The following PTPRC variants were observed in gnomAD, a reference collection of about 807,000 sequenced individuals.
PTPRC encodes protein tyrosine phosphatase receptor type C, also known as receptor-type tyrosine-protein phosphatase C.
A neutral mutation model predicts 155.9 loss-of-function variants in PTPRC; 44 were observed. The ratio of observed to expected loss-of-function variants is 0.28; its 90% CI spans 0.22 to 0.36. The LOEUF (loss-of-function observed/expected upper bound fraction) is 0.36. Among genes scored for constraint, PTPRC ranks in the 10% least tolerant of loss-of-function variants. The pLI, the probability that PTPRC is intolerant of heterozygous loss-of-function variation, is 1.00. For missense variants in PTPRC, 1,401 were observed against 1,564.6 expected (o/e 0.90, Z 1.76); for synonymous variants, 525 against 533.1 (o/e 0.98, Z 0.21).
intron 11 of PTPRC, among the ~76,000 whole-genome samples, chr1:198,711,592 G>A (rs926217115): frequency 2.6e-5 from 4 of 152,070 alleles, no homozygotes; most frequent in African/African-American, 9.7e-5. Context: ...GGGCACAAAA[G>A]CAAGAAACAT....
chr1:198,713,047 T>A lies in PTPRC; in HGVS notation c.1266T>A (p.Phe422Leu). Residue 422 changes from phenylalanine (F) to leucine (L), a missense_variant, in exon 12 of 33, where the codon TTT (phenylalanine) becomes TTA (leucine). This residue lies in a region of PTPRC where 867 missense variants were observed against 970.4 expected (regional missense o/e 0.89). Transcript: ENST00000442510. Reference protein sequence around the residue: ...WNPPQRSFHNFTLCYIKETEK... With the variant: ...WNPPQRSFHNLTLCYIKETEK... ...CCCCTCAAAGATCATTTCATAATTT[T>A]ACCCTCTGTTATATAAAAGAGACAG... The A allele has an allele frequency of 6.2e-7, 1 of 1,613,762 alleles. No individual in the cohort carries two copies. Among genetic ancestry groups the A allele is most frequent in the Non-Finnish European group, 8.5e-7 (1 of 1,179,690 alleles).
chr1:198,718,320 A>G lies in PTPRC; in HGVS notation c.1659+18A>G. 6.4e-7 allele frequency: 1 copy of G among 1,564,526 alleles called. No homozygotes were observed. The highest frequency in any genetic ancestry group is 8.8e-7 in the Non-Finnish European group (1 of 1,137,274). On this transcript the variant is annotated intron_variant, in intron 14 of 32. Transcript: ENST00000442510. ...CTTTTAAGGTAAAAGTATGCTCTCT[A>G]CATTACTATAGTACCAACTACATTA...
At chr1:198,661,575 A>G (rs1347608213) in intron 2 of PTPRC, among the ~76,000 whole-genome samples, 1 of 151,988 alleles carries the variant, frequency 6.6e-6, no homozygotes, top group African/African-American at 2.4e-5. Context: ...AGAGAAGAAG[A>G]AAAATAACTT....
rs2102566970 is a variant in PTPRC at position 198,757,430 on chromosome 1, A to C, written c.*1249A>C. 6.6e-6 allele frequency: 1 copy of C among 151,988 alleles called. No individual in the cohort carries two copies. The highest frequency in any genetic ancestry group is 2.4e-5 in the African/African-American group (1 of 41,558). 9.4% of individuals were successfully genotyped at this position (151,988 alleles called of 1,614,324 possible). A position where few individuals can be genotyped will look rare whatever the true frequency, so the allele number is the denominator to read the frequency against. On this transcript the variant is annotated 3_prime_UTR_variant, in exon 33 of 33. Coordinates refer to ENST00000442510, the MANE Select transcript of PTPRC (RefSeq NM_002838.5). Reference sequence around the variant, plus strand: ...TTTAAGATCTAGAAAAAAAAAATCAAGAATAGTGGTATTTTTCATGAAGTA... The same window carrying C: ...TTTAAGATCTAGAAAAAAAAAATCACGAATAGTGGTATTTTTCATGAAGTA...
At chr1:198,641,682 T>C (rs1362320602) in intron 2 of PTPRC, among the ~76,000 whole-genome samples, 1 of 152,042 alleles carries the variant, frequency 6.6e-6, no homozygotes, top group African/African-American at 2.4e-5. Flanking sequence ...ATGATGGTTT[T>C]AAGAAGGCAG....
At chr1:198,655,410 C>A (rs897706398) in intron 2 of PTPRC, among the ~76,000 whole-genome samples, 1 of 151,986 alleles carries the variant, frequency 6.6e-6, no homozygotes, top group Non-Finnish European at 1.5e-5. Flanking sequence ...TATTTAGTGA[C>A]TTGTCCTTTG....
intron 2 of PTPRC, among the ~76,000 whole-genome samples, chr1:198,686,226 T>C (rs935392058): frequency 6.6e-6 from 1 of 152,182 alleles, no homozygotes; most frequent in African/African-American, 2.4e-5. Flanking sequence ...CATTTTCATC[T>C]GTTTAATGTA....
intron 3 of PTPRC, chr1:198,693,240 A>T (rs1363871398): frequency 1.3e-6 from 1 of 765,470 alleles, no homozygotes; most frequent in East Asian, 1.3e-4. Context: ...AATAGTAACA[A>T]AAACACTTCT....
intron 15 of PTPRC, among the ~76,000 whole-genome samples, chr1:198,728,039 AAAAG>A (rs1338990690): frequency 6.6e-6 from 1 of 152,302 alleles, no homozygotes; most frequent in Middle Eastern, 3.4e-3. Flanking sequence ...GTCTGATAAA[AAAAG>A]AGAATTAAAT....
chr1:198,756,426 C>A lies in PTPRC; in HGVS notation c.*245C>A. ...CAGTAAAAAACAACTTCTTTGTAAT[C>A]GTTATGTGTGTATATGTATGTGTGT... On this transcript the variant is annotated 3_prime_UTR_variant, in exon 33 of 33. Coordinates refer to ENST00000442510, the MANE Select transcript of PTPRC (RefSeq NM_002838.5). 1.9e-6 allele frequency: 1 copy of A among 522,830 alleles called. No individual in the cohort carries two copies. The highest frequency in any genetic ancestry group is 3.4e-6 in the Non-Finnish European group (1 of 293,510). 32.4% of individuals were successfully genotyped at this position (522,830 alleles called of 1,614,324 possible). A position where few individuals can be genotyped will look rare whatever the true frequency, so the allele number is the denominator to read the frequency against.
chr1:198,657,740 C>T (rs910711746), intron 2 of PTPRC: 31 of 152,288 alleles, frequency 2.0e-4, no homozygotes, highest in African/African-American at 7.0e-4. Context: ...TGTATCTCTA[C>T]TGCAGGTCTT....
chr1:198,678,832 A>C (rs1458822999), intron 2 of PTPRC, among the ~76,000 whole-genome samples: 1 of 146,192 alleles, frequency 6.8e-6, no homozygotes, highest in Non-Finnish European at 1.5e-5. Flanking sequence ...TTTCCCCCCC[A>C]GTTTTTTCTT....
chr1:198,695,191 T>G, intron 3 of PTPRC: 1 of 877,990 alleles, frequency 1.1e-6, no homozygotes, highest in Non-Finnish European at 1.4e-6. Flanking sequence ...TTCCATTTTC[T>G]TCTCTAGTAA....
intron 2 of PTPRC, among the ~76,000 whole-genome samples, chr1:198,691,152 G>A (rs374284847): frequency 6.6e-6 from 1 of 152,032 alleles, no homozygotes. Flanking sequence ...TATGTAGTTC[G>A]GTGATCTCCT....
chr1:198,730,436 T>C (rs2102479347), intron 17 of PTPRC, among the ~76,000 whole-genome samples: 1 of 152,294 alleles, frequency 6.6e-6, no homozygotes, highest in Admixed American at 6.5e-5. Context: ...GCTTTTTTCT[T>C]ATTCACTGCT....
rs1655292066 is a variant in PTPRC at position 198,749,644 on chromosome 1, A to G, written c.3072+95A>G. On this transcript the variant is annotated intron_variant, in intron 28 of 32. Transcript: ENST00000442510. ...TCATTAAGCGATTTTATAAAAGAAT[A>G]ATGAGCTTGGTCATAACTACATATA... 2.4e-6 allele frequency: 3 copies of G among 1,255,404 alleles called. No homozygotes were observed. In the African/African-American group the frequency reaches 4.5e-5, roughly 19 times the overall value. The allele number at this position is 1,255,404 out of a possible 1,614,324, so 77.8% of individuals were successfully genotyped here.
At chr1:198,708,632 T>G (rs1653125518) in intron 10 of PTPRC, among the ~76,000 whole-genome samples, 1 of 151,974 alleles carries the variant, frequency 6.6e-6, no homozygotes, top group African/African-American at 2.4e-5. Flanking sequence ...TGTTATGAAG[T>G]AAGGAAAAAA....
intron 26 of PTPRC, among the ~76,000 whole-genome samples, chr1:198,745,246 A>G (rs569318727): frequency 6.6e-6 from 1 of 151,996 alleles, no homozygotes; most frequent in African/African-American, 2.4e-5. Flanking sequence ...TTCTAGGCAC[A>G]AGAGTCAAAA....
rs1666558073 is a variant in PTPRC, at chr1:198,703,379, T to C, written c.658+7T>C. Reference sequence around the variant, plus strand: ...ATTTCAACCACAACAATAGGTGATATTACCCTCAGTCAGGCAGCCACACCA... The same window carrying C: ...ATTTCAACCACAACAATAGGTGATACTACCCTCAGTCAGGCAGCCACACCA... On this transcript the variant is annotated splice_region_variant and intron_variant, in intron 7 of 32. Coordinates refer to ENST00000442510, the MANE Select transcript of PTPRC (RefSeq NM_002838.5). The C allele has an allele frequency of 6.2e-7, 1 of 1,612,160 alleles. No individual in the cohort carries two copies. The highest frequency in any genetic ancestry group is 8.5e-7 in the Non-Finnish European group (1 of 1,180,018).
Sources: gnomAD v4.1 joint callset for allele counts (sites outside exome capture counted in the v4.1 genomes callset) on GRCh38, gnomAD v4.1.1 for gene constraint, gnomAD v4.1.1 regional missense constraint, MANE v1.5 for transcripts, NCBI Gene and HGNC (gene_info 2026-07-23, HGNC 2026-07-21) for gene names.